Variants in CCSER1 observed in about 807,000 individuals in gnomAD.
CCSER1 encodes serine-rich coiled-coil domain-containing protein 1.
CCSER1 carries 41 observed loss-of-function variants against 82.0 expected under a neutral mutation model. The observed-to-expected ratio is 0.50, with a 90% confidence interval of 0.39 to 0.65. The LOEUF (loss-of-function observed/expected upper bound fraction) is 0.65, where lower values mean the gene tolerates loss of function less well. Ranked by LOEUF, CCSER1 falls within the 30% of genes least tolerant of loss-of-function variation. The pLI is 0.00. For missense variants in CCSER1, 1,119 were observed against 1,064.2 expected (o/e 1.05, Z -0.72); for synonymous variants, 414 against 383.9 (o/e 1.08, Z -0.92).
intron 1 of CCSER1, among the ~76,000 whole-genome samples, chr4:90,176,923 T>G (rs920598001): frequency 7.2e-5 from 11 of 152,036 alleles, no homozygotes; most frequent in African/African-American, 2.4e-4. Context: ...CTATTTCACA[T>G]TAGAACAACC....
chr4:91,448,040 A>T (rs969476278), intron 10 of CCSER1, among the ~76,000 whole-genome samples: 2 of 152,116 alleles, frequency 1.3e-5, no homozygotes, highest in Non-Finnish European at 2.9e-5. Context: ...AAAGTTTTAC[A>T]TAGGCAAGTT....
At chr4:91,070,913 G>A (rs916363208) in intron 9 of CCSER1, among the ~76,000 whole-genome samples, 2 of 152,156 alleles carry the variant, frequency 1.3e-5, no homozygotes, top group African/African-American at 4.8e-5. Context: ...TCTCTGTGGT[G>A]TTGTAGATAG....
intron 10 of CCSER1, among the ~76,000 whole-genome samples, chr4:91,286,231 A>G (rs928569631): frequency 2.8e-4 from 43 of 151,940 alleles, no homozygotes; most frequent in Admixed American, 2.8e-3. Context: ...TTCACTCTCT[A>G]TCTTGGAAAG....
At chr4:90,620,262 C>A (rs1020231549) in intron 5 of CCSER1, among the ~76,000 whole-genome samples, 6 of 151,520 alleles carry the variant, frequency 4.0e-5, no homozygotes, top group Non-Finnish European at 7.4e-5. Context: ...AAAAATGTAA[C>A]CCTATTAAGA....
intron 9 of CCSER1, among the ~76,000 whole-genome samples, chr4:90,954,289 A>C (rs1418085610): frequency 6.6e-6 from 1 of 152,040 alleles, no homozygotes; most frequent in African/African-American, 2.4e-5. Context: ...TACAATTTCT[A>C]TATGTATTCC....
intron 3 of CCSER1, among the ~76,000 whole-genome samples, chr4:90,393,683 C>G (rs1751523230): frequency 6.7e-6 from 1 of 150,276 alleles, no homozygotes; most frequent in Non-Finnish European, 1.5e-5. Flanking sequence ...TAATTAATGA[C>G]TGTTTTAGTA....
chr4:91,312,097 T>C (rs1745521928), intron 10 of CCSER1, among the ~76,000 whole-genome samples: 1 of 151,820 alleles, frequency 6.6e-6, no homozygotes, highest in South Asian at 2.1e-4. Flanking sequence ...AAGTAGTAGG[T>C]TCAGTTTATA....
At chr4:90,532,777 T>C (rs535080022) in intron 5 of CCSER1, among the ~76,000 whole-genome samples, 1 of 152,298 alleles carries the variant, frequency 6.6e-6, no homozygotes, top group Non-Finnish European at 1.5e-5. Context: ...GATATTTTTG[T>C]AGCTTTATAT....
At chr4:90,321,112 T>A (rs1447955434) in intron 3 of CCSER1, among the ~76,000 whole-genome samples, 1 of 152,144 alleles carries the variant, frequency 6.6e-6, no homozygotes, top group Non-Finnish European at 1.5e-5. Flanking sequence ...ATACAATAAA[T>A]AATTTTTTCA....
chr4:91,113,850 A>ATT (rs34946872), intron 10 of CCSER1, among the ~76,000 whole-genome samples: 5,289 of 146,104 alleles, frequency 0.036, 127 homozygotes, highest in Middle Eastern at 0.066. Context: ...TGATATCTAC[A>ATT]TTTTTTTTTT....
intron 10 of CCSER1, among the ~76,000 whole-genome samples, chr4:91,382,124 C>T (rs1237933235): frequency 2.6e-5 from 4 of 152,172 alleles, no homozygotes; most frequent in Non-Finnish European, 4.4e-5. Context: ...GAAGCTTTGT[C>T]TCAGAGGTGT....
intron 5 of CCSER1, among the ~76,000 whole-genome samples, chr4:90,493,470 C>T (rs1458036748): frequency 6.6e-6 from 1 of 152,018 alleles, no homozygotes; most frequent in Non-Finnish European, 1.5e-5. Flanking sequence ...GTCAGATTCA[C>T]CAAAGTTGAA....
At chr4:90,708,315 C>T (rs1739791017) in intron 6 of CCSER1, among the ~76,000 whole-genome samples, 1 of 152,208 alleles carries the variant, frequency 6.6e-6, no homozygotes. Context: ...AAAAAGCCAA[C>T]TGTACAACTG....
chr4:90,730,919 A>T (rs1203937761), intron 7 of CCSER1, among the ~76,000 whole-genome samples: 1 of 152,212 alleles, frequency 6.6e-6, no homozygotes, highest in Non-Finnish European at 1.5e-5. Context: ...ATGTCATGAT[A>T]AAGACTTAAG....
chr4:90,175,538 G>A (rs578253546), intron 1 of CCSER1, among the ~76,000 whole-genome samples: 15 of 152,010 alleles, frequency 9.9e-5, no homozygotes, highest in East Asian at 1.9e-4. Context: ...CTTTTTGAGC[G>A]CCGATCTGAC....
At chr4:91,400,110 C>G (rs780289442) in intron 10 of CCSER1, among the ~76,000 whole-genome samples, 1 of 151,946 alleles carries the variant, frequency 6.6e-6, no homozygotes, top group Non-Finnish European at 1.5e-5. Context: ...TTCACTAAGA[C>G]GCAAATGTGC....
At chr4:90,591,610 G>A (rs772284397) in intron 5 of CCSER1, among the ~76,000 whole-genome samples, 5 of 152,174 alleles carry the variant, frequency 3.3e-5, no homozygotes, top group Non-Finnish European at 7.3e-5. Flanking sequence ...TTCAACCATT[G>A]TGGAAGATGG....
chr4:90,921,214 C>T (rs948568785), intron 8 of CCSER1, among the ~76,000 whole-genome samples: 3 of 151,812 alleles, frequency 2.0e-5, no homozygotes, highest in African/African-American at 7.2e-5. Flanking sequence ...GCTATGTATT[C>T]TTTCTTTAAT....
intron 9 of CCSER1, among the ~76,000 whole-genome samples, chr4:91,052,195 A>C (rs1474326799): frequency 6.6e-6 from 1 of 152,048 alleles, no homozygotes; most frequent in Non-Finnish European, 1.5e-5. Flanking sequence ...TCGTTATATA[A>C]TCAGTGTCTA....
Sources: allele counts gnomAD v4.1 joint callset (sites outside exome capture counted in the v4.1 genomes callset), GRCh38; gene constraint gnomAD v4.1.1; transcripts MANE v1.5; gene names NCBI Gene and HGNC (gene_info 2026-07-23, HGNC 2026-07-21).